Variants in RDH13 observed in about 807,000 individuals in gnomAD.
RDH13 encodes the protein retinol dehydrogenase 13, also known as retinol dehydrogenase 13 (all-trans and 9-cis).
RDH13 carries 35 observed loss-of-function variants against 28.3 expected under a neutral mutation model. The observed-to-expected ratio is 1.24, with a 90% confidence interval of 0.95 to 1.64. The LOEUF (loss-of-function observed/expected upper bound fraction) is 1.64, where lower values mean the gene tolerates loss of function less well. RDH13 is among the 40% of genes most tolerant of loss of function. The pLI, the probability that RDH13 is intolerant of heterozygous loss-of-function variation, is 0.00. For missense variants in RDH13, 514 were observed against 446.3 expected (o/e 1.15, Z -1.37); for synonymous variants, 229 against 198.5 (o/e 1.15, Z -1.29).
At chr19:55,049,386 C>T (rs573636422) in intron 3 of RDH13, among the ~76,000 whole-genome samples, 3 of 152,344 alleles carry the variant, frequency 2.0e-5, no homozygotes, top group Admixed American at 2.0e-4. Flanking sequence ...CAGATGGAGA[C>T]TGCAGCCTCA....
chr19:55,047,816 A>G (rs1469360742), intron 5 of RDH13, among the ~76,000 whole-genome samples: 1 of 152,186 alleles, frequency 6.6e-6, no homozygotes, highest in African/African-American at 2.4e-5. Flanking sequence ...CCGCTGGTCC[A>G]CAGACCGTCT....
chr19:55,056,581 T>C lies in RDH13; in HGVS notation c.340+72A>G. ...TCTGCTCTAAAGTTTGCTTGCTTCA[T>C]TCACTTCTCAGAGCCTGGCCCTGGG... is the stretch of plus-strand genomic sequence containing the variant. On this transcript the variant is annotated intron_variant, in intron 3 of 6. Transcript: ENST00000415061. The C allele has an allele frequency of 1.9e-6, 3 of 1,548,632 alleles. No individual in the cohort carries two copies. The South Asian group carries it at 3.6e-5, about 19-fold the overall frequency.
At chr19:55,053,802 G>GC (rs1183922530) in intron 3 of RDH13, 10 of 152,208 alleles carry the variant, frequency 6.6e-5, no homozygotes, top group African/African-American at 2.2e-4. Flanking sequence ...GGACCTCAGT[G>GC]CTCCGGACAC....
intron 3 of RDH13, among the ~76,000 whole-genome samples, 183 bp downstream of exon 3, chr19:55,056,470 T>TAATTAATA (rs1568718704): frequency 6.6e-6 from 1 of 151,466 alleles, no homozygotes; most frequent in Non-Finnish European, 1.5e-5. Context: ...ATAACAGTAG[T>TAATTAATA]AATAAATAAA....
chr19:55,056,533 C>T, intron 3 of RDH13, 120 bp downstream of exon 3: 1 of 1,300,976 alleles, frequency 7.7e-7, no homozygotes, highest in East Asian at 2.6e-5. Flanking sequence ...GGACTTGGCC[C>T]CTAACTCATA....
chr19:55,047,939 C>CT lies in RDH13; in HGVS notation c.658+389dup. The CT allele has an allele frequency of 3.8e-6, 3 of 786,014 alleles. No homozygotes were observed. In the South Asian group the frequency reaches 5.4e-5, roughly 14 times the overall value. The allele number at this position is 786,014 out of a possible 1,614,324, so 48.7% of individuals were successfully genotyped here. On this transcript the variant is annotated intron_variant, in intron 5 of 6. Transcript: ENST00000415061. ...TGTAGGACATTGAGAGCATCTGGGC[C>CT]TTTACCCTCCAGATGCCCAGAGCAA... is the stretch of plus-strand genomic sequence containing the variant.
chr19:55,039,794 G>A (rs1654435), downstream of RDH13: 70,787 of 151,562 alleles, frequency 0.47, 16,901 homozygotes, highest in East Asian at 0.58. Flanking sequence ...AGCCGAGATC[G>A]CGCCATTGCA....
In RDH13 at chr19:55,063,089, C is replaced by T; in HGVS notation, c.-57G>A. ...GGTCGGCGCGGAGCTTGCTGCACAC[C>T]AGCCGCCTGGGTAGCTCCGAGGAAG... On this transcript the variant is annotated 5_prime_UTR_variant, in exon 1 of 7. Coordinates refer to ENST00000415061, the MANE Select transcript of RDH13 (RefSeq NM_001145971.2). 8.0e-7 allele frequency: 1 copy of T among 1,256,690 alleles called. No homozygotes were observed. Among genetic ancestry groups the T allele is most frequent in the East Asian group, 3.2e-5 (1 of 31,218 alleles). 77.8% of individuals were successfully genotyped at this position (1,256,690 alleles called of 1,614,324 possible).
chr19:55,053,230 C>T (rs973049177), intron 3 of RDH13, among the ~76,000 whole-genome samples: 1 of 152,214 alleles, frequency 6.6e-6, no homozygotes, highest in Non-Finnish European at 1.5e-5. Flanking sequence ...GTAGAATACA[C>T]ACCACATAAA....
intron 3 of RDH13, chr19:55,050,578 A>T (rs2075396020): frequency 6.6e-6 from 1 of 152,230 alleles, no homozygotes; most frequent in African/African-American, 2.4e-5. Context: ...ATGCGCCACC[A>T]TGCCCAGCTA....
chr19:55,054,518 G>A lies in RDH13; in HGVS notation c.340+2135C>T, dbSNP rs947055738. 3.9e-5 allele frequency among the ~76,000 whole-genome samples: 6 copies of A among 152,090 alleles called. No homozygotes were observed. In the East Asian group the frequency reaches 5.8e-4, roughly 15 times the overall value. On this transcript the variant is annotated intron_variant, in intron 3 of 6. Coordinates refer to ENST00000415061, the MANE Select transcript of RDH13 (RefSeq NM_001145971.2). ...GGAGAATCGCTTGAACCCAGGAGGC[G>A]GAGGCTGCAGTGAGCCAAGATCGCA...
upstream of RDH13, chr19:55,064,481 G>A (rs1281908422): frequency 5.3e-5 from 8 of 151,930 alleles, no homozygotes; most frequent in Admixed American, 5.2e-4. Flanking sequence ...TATTAAACCA[G>A]TTACACAATG....
rs186181586 is a variant in RDH13, at chr19:55,051,735, T to C, written c.341-2972A>G. On this transcript the variant is annotated intron_variant, in intron 3 of 6. Coordinates refer to ENST00000415061, the MANE Select transcript of RDH13 (RefSeq NM_001145971.2). Reference sequence around the variant, plus strand: ...GAGCCACCGCGCCCAGCCTGTTTTTTTTTTTTTCTTTTTATGAGAGGGAAG... The same window carrying C: ...GAGCCACCGCGCCCAGCCTGTTTTTCTTTTTTTCTTTTTATGAGAGGGAAG... Among the ~76,000 whole-genome samples the C allele has an allele frequency of 5.4e-3, 815 of 151,420 alleles. 7 individuals carry two copies. The highest frequency in any genetic ancestry group is 0.018 in the African/African-American group (724 of 41,278).
intron 4 of RDH13, 37 bp downstream of exon 4, chr19:55,048,622 G>A (rs769401632): frequency 1.5e-5 from 24 of 1,609,518 alleles, no homozygotes; most frequent in East Asian, 6.7e-5. Flanking sequence ...GGGGAGGATC[G>A]CTTGAACCCA....
At position 55,059,255 on chromosome 19, in the gene RDH13, G is replaced by GCCCC; in HGVS notation, c.82_85dup (p.Ala29GlyfsTer49). The GCCCC allele has an allele frequency of 6.2e-7, 1 of 1,601,008 alleles. No homozygotes were observed. The highest frequency in any genetic ancestry group is 8.5e-7 in the Non-Finnish European group (1 of 1,173,976). On this transcript the variant is annotated frameshift_variant, in exon 2 of 7. Coordinates refer to ENST00000415061, the MANE Select transcript of RDH13 (RefSeq NM_001145971.2). LOFTEE classifies it high-confidence loss of function. The stretch of plus-strand genomic sequence containing the variant: ...AGGGATGGTGGCCTTGCTGGGGCAA[G>GCCCC]CCCCACCGGTGACATAGTCCCTGAG...
intron 1 of RDH13, among the ~76,000 whole-genome samples, chr19:55,061,475 C>T (rs376786929): frequency 8.2e-4 from 125 of 152,154 alleles, no homozygotes; most frequent in African/African-American, 2.8e-3. Context: ...GCCTCCTGCT[C>T]CCTCTTATAA....
downstream of RDH13, chr19:55,043,036 G>C (rs1242741860): frequency 6.6e-6 from 1 of 152,260 alleles, no homozygotes; most frequent in Admixed American, 6.5e-5. Flanking sequence ...CGCACCGTGG[G>C]GTCCACTGGA....
rs773808812 is a variant in RDH13, at chr19:55,056,711, C to T, written c.282G>A (p.Arg94=). Reference sequence around the variant, plus strand: ...ACTTGAGGGAAGCCAAGTCCAGGTGCCGGGCGTTGACATGGTGATTGAGGG... The same window carrying T: ...ACTTGAGGGAAGCCAAGTCCAGGTGTCGGGCGTTGACATGGTGATTGAGGG... ...GETLNHHVNA[R]HLDLASLKSI... is the part of the protein sequence containing the mutation. Residue 94 remains arginine, a synonymous_variant, in exon 3 of 7, where the codon CGG becomes CGA. Coordinates refer to ENST00000415061, the MANE Select transcript of RDH13 (RefSeq NM_001145971.2). 2.2e-5 allele frequency: 35 copies of T among 1,613,940 alleles called. No homozygotes were observed. Among genetic ancestry groups the T allele is most frequent in the South Asian group, 2.0e-4 (18 of 91,072 alleles).
chr19:55,062,615 G>A (rs1046821916), intron 1 of RDH13, among the ~76,000 whole-genome samples: 14 of 152,346 alleles, frequency 9.2e-5, no homozygotes, highest in African/African-American at 2.9e-4. Flanking sequence ...AGGAGGTCAA[G>A]GCTGCAGTGA....
Sources: gnomAD v4.1 joint callset for allele counts (sites outside exome capture counted in the v4.1 genomes callset) on GRCh38, gnomAD v4.1.1 for gene constraint, MANE v1.5 for transcripts, NCBI Gene and HGNC (gene_info 2026-07-23, HGNC 2026-07-21) for gene names.